Variants in AGFG2 observed in about 807,000 individuals in gnomAD.
The protein encoded by AGFG2 is arf-GAP domain and FG repeat-containing protein 2.
AGFG2 carries 31 observed loss-of-function variants against 48.0 expected under a neutral mutation model. The observed-to-expected ratio is 0.65, with a 90% confidence interval of 0.49 to 0.87. The LOEUF is 0.87. Ranked by LOEUF, AGFG2 falls within the 40% of genes least tolerant of loss-of-function variation. AGFG2 has a pLI of 0.00. For synonymous variants in AGFG2, 229 were observed against 260.8 expected (o/e 0.88, Z 1.18); for missense variants, 599 against 632.6 (o/e 0.95, Z 0.57).
chr7:100,557,928 A>G (rs1800789289), intron 6 of AGFG2, among the ~76,000 whole-genome samples: 1 of 152,174 alleles, frequency 6.6e-6, no homozygotes, highest in South Asian at 2.1e-4. Context: ...AAAATATGAA[A>G]ATAGGCCAGG....
rs963882856 is a variant in AGFG2 at position 100,539,235 on chromosome 7, C to G, written c.-112C>G. On this transcript the variant is annotated 5_prime_UTR_variant, in exon 1 of 12. Coordinates refer to ENST00000300176, the MANE Select transcript of AGFG2 (RefSeq NM_006076.5). The stretch of plus-strand genomic sequence containing the variant: ...GGCGAAGTCTCCTGCGGATGCCGCC[C>G]GCTCCCGAGCTTCTGTCAGGGGAGC... The G allele has an allele frequency of 4.4e-5, 49 of 1,117,870 alleles. No homozygotes were observed. Among genetic ancestry groups the G allele is most frequent in the Non-Finnish European group, 5.3e-5 (46 of 873,248 alleles). The allele number at this position is 1,117,870 out of a possible 1,614,324, so 69.2% of individuals were successfully genotyped here. A position where few individuals can be genotyped will look rare whatever the true frequency, so the allele number is the denominator to read the frequency against.
rs367693578 is a variant in AGFG2 at position 100,562,427 on chromosome 7, G to A, written c.998+48G>A. 41 of 1,607,020 alleles carry A rather than the reference G, an allele frequency of 2.6e-5. No homozygotes were observed. In the African/African-American group the frequency reaches 3.7e-4, roughly 15 times the overall value. Reference sequence around the variant, plus strand: ...CTGCTGTAGGGCAGGAGAGCCGCCCGAAGCCTGGCCATGTTCCTCCCAGCC... The same window carrying A: ...CTGCTGTAGGGCAGGAGAGCCGCCCAAAGCCTGGCCATGTTCCTCCCAGCC... On this transcript the variant is annotated intron_variant, in intron 7 of 11. Coordinates refer to ENST00000300176, the MANE Select transcript of AGFG2 (RefSeq NM_006076.5). The surrounding 1 kb of genome is among the most constrained non-coding windows in gnomAD (Gnocchi z 5.4).
chr7:100,548,779 T>C, intron 1 of AGFG2, 43 bp from the exon 2 acceptor site: 2 of 1,493,682 alleles, frequency 1.3e-6, no homozygotes, highest in Non-Finnish European at 1.9e-6. Flanking sequence ...CCTGCCATGC[T>C]AACTGCATTA....
chr7:100,551,792 C>T (rs963922364), intron 3 of AGFG2, among the ~76,000 whole-genome samples: 1 of 140,230 alleles, frequency 7.1e-6, no homozygotes, highest in African/African-American at 2.7e-5. Context: ...GAGGCTGAGG[C>T]AGGAAAATTG....
At chr7:100,557,812 A>G (rs1406487522) in intron 6 of AGFG2, among the ~76,000 whole-genome samples, 1 of 152,262 alleles carries the variant, frequency 6.6e-6, no homozygotes. Context: ...AAGATACAAC[A>G]TGGAAAACAG....
chr7:100,552,936 GCCAAGAGGTTGAGA>G (rs1800677443), intron 3 of AGFG2, among the ~76,000 whole-genome samples: 5 of 152,126 alleles, frequency 3.3e-5, no homozygotes, highest in Non-Finnish European at 7.4e-5. Flanking sequence ...ATCACCTGAG[GCCAAGAGGTTGAGA>G]CCACCCTGGG....
chr7:100,561,308 G>A (rs1344772670), intron 6 of AGFG2, among the ~76,000 whole-genome samples: 1 of 152,050 alleles, frequency 6.6e-6, no homozygotes, highest in Admixed American at 6.6e-5. Flanking sequence ...TGTATTTTTA[G>A]TAGAGACAGG....
intron 9 of AGFG2, 98 bp from the exon 10 acceptor site, chr7:100,563,736 C>G (rs1250779847): frequency 1.3e-6 from 2 of 1,546,856 alleles, no homozygotes; most frequent in African/African-American, 1.4e-5. Flanking sequence ...CAGGAAAAAA[C>G]TATATCCCAT....
In AGFG2 at chr7:100,565,347, G is replaced by A. The variant is rs1206596865; in HGVS notation, c.*356G>A. On this transcript the variant is annotated 3_prime_UTR_variant, in exon 12 of 12. Coordinates refer to ENST00000300176, the MANE Select transcript of AGFG2 (RefSeq NM_006076.5). ...TGTGCTCCTCATGGACGGGAGCGCA[G>A]TGGGGAAGGTAGGGGAAAGATGAGG... The A allele has an allele frequency of 6.7e-6, 2 of 296,886 alleles. No individual in the cohort carries two copies. Among genetic ancestry groups the A allele is most frequent in the Non-Finnish European group, 1.3e-5 (2 of 155,422 alleles). 18.4% of individuals were successfully genotyped at this position (296,886 alleles called of 1,614,324 possible).
intron 11 of AGFG2, 92 bp downstream of exon 11, chr7:100,564,395 G>T: frequency 7.4e-7 from 1 of 1,350,194 alleles, no homozygotes; most frequent in Non-Finnish European, 1.0e-6. Context: ...GGTGGCCCCT[G>T]TGCCCCTTCC....
rs1239202048 is a variant in AGFG2 at position 100,567,206 on chromosome 7, G to A, written c.*2215G>A. On this transcript the variant is annotated 3_prime_UTR_variant, in exon 12 of 12. Coordinates refer to ENST00000300176, the MANE Select transcript of AGFG2 (RefSeq NM_006076.5). ...GTTCCCTGGGCACAGGCTGACACTA[G>A]GAGCTGCTCTCCTTGGCCGGGGACA... is the stretch of plus-strand genomic sequence containing the variant. 2 of 152,636 alleles carry A rather than the reference G, an allele frequency of 1.3e-5. No homozygotes were observed. Among genetic ancestry groups the A allele is most frequent in the Non-Finnish European group, 2.9e-5 (2 of 68,074 alleles). 9.5% of individuals were successfully genotyped at this position (152,636 alleles called of 1,614,324 possible).
At chr7:100,547,153 C>T (rs2131104678) in intron 1 of AGFG2, among the ~76,000 whole-genome samples, 1 of 152,060 alleles carries the variant, frequency 6.6e-6, no homozygotes, top group Non-Finnish European at 1.5e-5. Flanking sequence ...CTGAGTCCGC[C>T]CACTCCCTGC....
chr7:100,563,723 T>C, intron 9 of AGFG2, 111 bp from the exon 10 acceptor site: 1 of 1,501,354 alleles, frequency 6.7e-7, no homozygotes, highest in Non-Finnish European at 9.0e-7. Context: ...TCGTTCCTCA[T>C]GTCAGGAAAA....
intron 1 of AGFG2, among the ~76,000 whole-genome samples, chr7:100,546,126 T>G (rs1381057291): frequency 6.6e-6 from 1 of 152,132 alleles, no homozygotes; most frequent in Non-Finnish European, 1.5e-5. Flanking sequence ...ATTTCTTATT[T>G]TCTCTGCCTT....
intron 11 of AGFG2, 38 bp downstream of exon 11, chr7:100,564,341 GGGCTT>G (rs748867342): frequency 3.2e-6 from 5 of 1,585,678 alleles, no homozygotes; most frequent in Non-Finnish European, 4.3e-6. Context: ...TAGGGCTCGT[GGGCTT>G]TCCCTCTGGG....
At chr7:100,556,790 G>C (rs1020946533) in intron 6 of AGFG2, among the ~76,000 whole-genome samples, 7 of 152,194 alleles carry the variant, frequency 4.6e-5, no homozygotes, top group African/African-American at 1.7e-4. Context: ...CCAGAGCCCA[G>C]ACTTCTTGAC....
rs371590851 is a variant in AGFG2, at chr7:100,558,885, C to T, written c.877+3150C>T. Reference sequence around the variant, plus strand: ...GCGCAGTGGCTCATACCTGTAATCCCGGCACTTTGGGAGGCTGAGTGGGGT... The same window carrying T: ...GCGCAGTGGCTCATACCTGTAATCCTGGCACTTTGGGAGGCTGAGTGGGGT... On this transcript the variant is annotated intron_variant, in intron 6 of 11. Transcript: ENST00000300176. 5.3e-5 allele frequency among the ~76,000 whole-genome samples: 8 copies of T among 152,172 alleles called. No homozygotes were observed. In the East Asian group the frequency reaches 7.7e-4, roughly 15 times the overall value.
At position 100,565,181 on chromosome 7, in the gene AGFG2, CCCA is replaced by C; in HGVS notation, c.*193_*195del. 1 of 648,280 alleles carries C rather than the reference CCCA, an allele frequency of 1.5e-6. No homozygotes were observed. Among genetic ancestry groups the C allele is most frequent in the Non-Finnish European group, 2.7e-6 (1 of 371,380 alleles). 40.2% of individuals were successfully genotyped at this position (648,280 alleles called of 1,614,324 possible). On this transcript the variant is annotated 3_prime_UTR_variant, in exon 12 of 12. Transcript: ENST00000300176. Reference sequence around the variant, plus strand: ...ACAAAGCCTCTCTCCCCTCCCTCGTCCCACCCCCACCCAGGCAGGAAGCCCAGG... The same window carrying C: ...ACAAAGCCTCTCTCCCCTCCCTCGTCCCCCCACCCAGGCAGGAAGCCCAGG...
chr7:100,548,805 CT>C lies in AGFG2; in HGVS notation c.222-16del, dbSNP rs1800563549. The C allele has an allele frequency of 6.3e-7, 1 of 1,593,944 alleles. No homozygotes were observed. Among genetic ancestry groups the C allele is most frequent in the Non-Finnish European group, 8.6e-7 (1 of 1,162,060 alleles). The stretch of plus-strand genomic sequence containing the variant: ...AACTGCATTATACTTCTCTTTCTTC[CT>C]GTTTCTCTCCCATAGGAGAGGGCTG... On this transcript the variant is annotated splice_polypyrimidine_tract_variant and intron_variant, in intron 1 of 11. Transcript: ENST00000300176.
Sources: gnomAD v4.1 joint callset for allele counts (sites outside exome capture counted in the v4.1 genomes callset) on GRCh38, gnomAD v4.1.1 for gene constraint, Gnocchi (gnomAD v3.1) non-coding constraint, MANE v1.5 for transcripts, NCBI Gene and HGNC (gene_info 2026-07-23, HGNC 2026-07-21) for gene names.